Variants in ZNF665 observed in about 807,000 individuals in gnomAD.
ZNF665 encodes zinc finger protein 665.
A neutral mutation model predicts 7.9 loss-of-function variants in ZNF665; 6 were observed. That is an observed-to-expected ratio of 0.76 (90% CI 0.42 to 1.50). The LOEUF (loss-of-function observed/expected upper bound fraction) is 1.50. Ranked by LOEUF, ZNF665 falls within the 40% of genes most tolerant of loss-of-function variation. The probability of loss-of-function intolerance (pLI) is 0.01; values close to 1 mark genes in which losing one functional copy is unlikely to be tolerated. For missense variants in ZNF665, 819 were observed against 806.7 expected, an observed-to-expected ratio of 1.02 and a Z score of -0.18; for synonymous variants, 242 against 274.5, an observed-to-expected ratio of 0.88 and a Z score of 1.17.
At chr19:53,181,794 A>G (rs1345669060) in intron 2 of ZNF665, 4 of 152,092 alleles carry the variant, frequency 2.6e-5, no homozygotes, top group East Asian at 3.9e-4. Flanking sequence ...CCCAAACACT[A>G]CCTCCACCAC....
At chr19:53,183,587 A>T (rs2090754751) in intron 1 of ZNF665, among the ~76,000 whole-genome samples, 1 of 151,138 alleles carries the variant, frequency 6.6e-6, no homozygotes, top group South Asian at 2.1e-4. Context: ...AAGGTGAAGC[A>T]GCACAGAGAA....
chr19:53,191,695 T>C (rs1293115714), intron 1 of ZNF665: 5 of 152,108 alleles, frequency 3.3e-5, no homozygotes, highest in African/African-American at 1.2e-4. Context: ...AATACAAAAG[T>C]TAGCCAGGTG....
chr19:53,176,957 T>C (rs553955037), intron 2 of ZNF665, among the ~76,000 whole-genome samples: 1 of 152,058 alleles, frequency 6.6e-6, no homozygotes, highest in South Asian at 2.1e-4. Context: ...CCGTCTCTAC[T>C]AAAAATACAA....
At chr19:53,167,070 C>T (rs908981904) in intron 3 of ZNF665, among the ~76,000 whole-genome samples, 30 of 152,056 alleles carry the variant, frequency 2.0e-4, no homozygotes, top group East Asian at 5.8e-4. Context: ...GGTGCAATCT[C>T]GGCTCACCGC....
chr19:53,188,818 C>T (rs1321218137), intron 1 of ZNF665, among the ~76,000 whole-genome samples: 1 of 151,958 alleles, frequency 6.6e-6, no homozygotes. Flanking sequence ...CTGCCTCAGC[C>T]TCCCAAGTAA....
chr19:53,180,963 A>G (rs1434805692), intron 2 of ZNF665: 1 of 152,204 alleles, frequency 6.6e-6, no homozygotes, highest in Non-Finnish European at 1.5e-5. Context: ...AGATTTCAGA[A>G]GTACATATTG....
At chr19:53,167,691 C>T (rs2090626862) in intron 3 of ZNF665, among the ~76,000 whole-genome samples, 1 of 149,938 alleles carries the variant, frequency 6.7e-6, no homozygotes, top group Non-Finnish European at 1.5e-5. Flanking sequence ...CGTGATCCAC[C>T]CACCTCAGCC....
chr19:53,188,801 G>A (rs1001930340), intron 1 of ZNF665, among the ~76,000 whole-genome samples: 41 of 151,944 alleles, frequency 2.7e-4, no homozygotes, highest in African/African-American at 9.7e-4. Context: ...GGGTTCAAGC[G>A]ATTCTCCTGC....
chr19:53,171,524 A>ATATATATATATATATATATTT (rs372855271), intron 3 of ZNF665, among the ~76,000 whole-genome samples: 2 of 69,318 alleles, frequency 2.9e-5, no homozygotes, highest in Non-Finnish European at 5.3e-5. Context: ...ATATATATAT[A>ATATATATATATATATATATTT]TTTTTTTTTT....
At chr19:53,173,372 C>CTTTTTTTTTTTTTTT (rs34425717) in intron 3 of ZNF665, among the ~76,000 whole-genome samples, 2 of 78,880 alleles carry the variant, frequency 2.5e-5, no homozygotes, top group Non-Finnish European at 4.6e-5. Flanking sequence ...TTTTTTCACT[C>CTTTTTTTTTTTTTTT]TTTTTTTTTT....
Position 53,175,641 on chromosome 19 carries a change from G to A in ZNF665, c.16-70C>T, listed in dbSNP as rs576042075. 1.4e-4 allele frequency: 207 copies of A among 1,524,044 alleles called. No homozygotes were observed. The African/African-American group carries it at 2.6e-3, about 19-fold the overall frequency. The allele number at this position is 1,524,044 out of a possible 1,614,324, so 94.4% of individuals were successfully genotyped here. ...TGAATCTTCACATAAAACAAGAAGAGGAGAGAGCTGTAAGAATAGGTTCAA... is the reference window on the plus strand; with the variant it reads ...TGAATCTTCACATAAAACAAGAAGAAGAGAGAGCTGTAAGAATAGGTTCAA... On this transcript the variant is annotated intron_variant, in intron 2 of 3. Coordinates refer to ENST00000396424, the MANE Select transcript of ZNF665 (RefSeq NM_024733.5).
Position 53,165,538 on chromosome 19 carries a change from A to T in ZNF665, c.952T>A (p.Tyr318Asn). 1 of 1,614,080 alleles carries T rather than the reference A, an allele frequency of 6.2e-7. No homozygotes were observed. The highest frequency in any genetic ancestry group is 8.5e-7 in the Non-Finnish European group (1 of 1,179,982). ...GCTTTGCCACACTCATTACACTTGT[A>T]AGGCTTCTCCCCAGTATGAATTCTT... ...HRRIHTGEKPYKCNECGKAFS... is the reference protein window; with the variant it reads ...HRRIHTGEKPNKCNECGKAFS... The change falls in exon 4 of 4, where the codon TAC becomes AAC. Residue 318 changes from tyrosine (Y) to asparagine (N), a missense_variant. Transcript: ENST00000396424.
intron 1 of ZNF665, among the ~76,000 whole-genome samples, chr19:53,188,988 A>G (rs556233647): frequency 5.3e-5 from 8 of 151,760 alleles, no homozygotes; most frequent in Non-Finnish European, 1.0e-4. Flanking sequence ...GTGAGCCACC[A>G]TGCCCAGCCT....
Position 53,165,166 on chromosome 19 carries a change from G to C in ZNF665, c.1324C>G (p.Arg442Gly). ...GCCTGATGGGTAGTTAGGCTTGATC[G>C]CACACTAAAGGCTTTGCCACACTCA... ...CDECGKAFSV[R>G]SSLTTHQAIH... Residue 442 changes from arginine to glycine, a missense_variant, in exon 4 of 4, where the codon CGA (arginine) becomes GGA (glycine). By Grantham distance (125) the Arg-to-Gly change is moderately radical (BLOSUM62 -2). Coordinates refer to ENST00000396424, the MANE Select transcript of ZNF665 (RefSeq NM_024733.5). 6.2e-7 allele frequency: 1 copy of C among 1,613,978 alleles called. No individual in the cohort carries two copies. The highest frequency in any genetic ancestry group is 1.7e-5 in the Admixed American group (1 of 59,994).
At chr19:53,189,594 C>T (rs1240579991) in intron 1 of ZNF665, among the ~76,000 whole-genome samples, 2 of 147,978 alleles carry the variant, frequency 1.4e-5, no homozygotes, top group East Asian at 3.9e-4. Flanking sequence ...TTTACTACTG[C>T]TATCTAGAAG....
At chr19:53,171,275 C>T (rs1437669957) in intron 3 of ZNF665, among the ~76,000 whole-genome samples, 3 of 151,774 alleles carry the variant, frequency 2.0e-5, no homozygotes, top group Non-Finnish European at 2.9e-5. Context: ...CTTGAGCCAC[C>T]GCATGCGGCA....
rs1354698682 is a variant in ZNF665, at chr19:53,166,022, T to A, written c.468A>T (p.Gln156His). ...TGTATTCATAAATTTTCCCTTCATG[T>A]TGAAATTGCTGCAGTTCAGGGAGAT... ...QSHLPELQQFQHEGKIYEYNQ... is the reference protein window; with the variant it reads ...QSHLPELQQFHHEGKIYEYNQ... The change falls in exon 4 of 4, where the codon CAA becomes CAT. Residue 156 changes from glutamine to histidine, a missense_variant. Coordinates refer to ENST00000396424, the MANE Select transcript of ZNF665 (RefSeq NM_024733.5). 1 of 1,614,034 alleles carries A rather than the reference T, an allele frequency of 6.2e-7. No individual in the cohort carries two copies. Among genetic ancestry groups the A allele is most frequent in the East Asian group, 2.2e-5 (1 of 44,876 alleles).
chr19:53,189,262 G>C (rs1019859048), intron 1 of ZNF665, among the ~76,000 whole-genome samples: 4 of 151,980 alleles, frequency 2.6e-5, no homozygotes, highest in Non-Finnish European at 5.9e-5. Flanking sequence ...GCAGCGACGA[G>C]AGAGTGTAGA....
chr19:53,182,905 C>T lies in ZNF665; in HGVS notation c.-7G>A, dbSNP rs939770639. ...TCACCTGAGGAAGAGCCATCCCTGA[C>T]TCCTTTGCCTTCCTCTTCCTCTTCT... On this transcript the variant is annotated 5_prime_UTR_variant, in exon 2 of 4. Coordinates refer to ENST00000396424, the MANE Select transcript of ZNF665 (RefSeq NM_024733.5). 1.2e-6 allele frequency: 2 copies of T among 1,610,878 alleles called. No homozygotes were observed. Among genetic ancestry groups the T allele is most frequent in the African/African-American group, 1.3e-5 (1 of 75,000 alleles).
Sources: allele counts gnomAD v4.1 joint callset (sites outside exome capture counted in the v4.1 genomes callset), GRCh38; gene constraint gnomAD v4.1.1; transcripts MANE v1.5; gene names NCBI Gene and HGNC (gene_info 2026-07-23, HGNC 2026-07-21).